AK8: variants seen among roughly 807,000 people sequenced by gnomAD.
The protein encoded by AK8 is ATP-AMP transphosphorylase 8.
In AK8, 44 loss-of-function variants were observed where a neutral mutation model predicts 54.6. The ratio of observed to expected loss-of-function variants is 0.81; its 90% confidence interval spans 0.63 to 1.04. The LOEUF is 1.04. Among genes scored for constraint, AK8 ranks in the 50% least tolerant of loss-of-function variants. The pLI is 0.00. For missense variants in AK8, 555 were observed against 613.6 expected, an observed-to-expected ratio of 0.90 and a Z score of 1.01; for synonymous variants, 239 against 245.6, an observed-to-expected ratio of 0.97 and a Z score of 0.25.
intron 11 of AK8, chr9:132,769,310 C>T (rs1194324222): frequency 6.6e-6 from 1 of 152,244 alleles, no homozygotes; most frequent in East Asian, 1.9e-4. Flanking sequence ...CGAACTGATG[C>T]TCTCTAAGGA....
chr9:132,820,686 A>G (rs1399619944), intron 9 of AK8, among the ~76,000 whole-genome samples: 3 of 152,112 alleles, frequency 2.0e-5, no homozygotes, highest in Admixed American at 2.0e-4. Flanking sequence ...CATCATCCTA[A>G]GTGAGGTCTT....
chr9:132,867,111 T>C (rs751212888), intron 2 of AK8, among the ~76,000 whole-genome samples, 158 bp from the exon 3 acceptor site: 48 of 152,266 alleles, frequency 3.2e-4, no homozygotes, highest in Non-Finnish European at 4.6e-4. Flanking sequence ...ACTCTTGCCA[T>C]GGAACGCATT....
chr9:132,770,271 CG>C lies in AK8; in HGVS notation c.1121+22362del. The stretch of plus-strand genomic sequence containing the variant: ...GAAACAAACAGCAGCCCCGCCAGCC[CG>C]GGCCCGGAGGCCCAGCCCCGCGCCA... On this transcript the variant is annotated intron_variant, in intron 11 of 12. Transcript: ENST00000298545. The surrounding 1 kb of genome is among the most constrained non-coding windows in gnomAD (Gnocchi z 4.3). 1 of 152,522 alleles carries C rather than the reference CG, an allele frequency of 6.6e-6. No individual in the cohort carries two copies. Among genetic ancestry groups the C allele is most frequent in the African/African-American group, 2.4e-5 (1 of 41,586 alleles). The allele number at this position is 152,522 out of a possible 1,614,324, so 9.4% of individuals were successfully genotyped here.
intron 10 of AK8, among the ~76,000 whole-genome samples, chr9:132,802,291 C>T (rs1200818413): frequency 6.6e-6 from 1 of 152,208 alleles, no homozygotes; most frequent in East Asian, 1.9e-4. Flanking sequence ...GATGGCCACG[C>T]CTTCTTTGCT....
chr9:132,805,553 G>A (rs215162), intron 10 of AK8, among the ~76,000 whole-genome samples: 42,876 of 152,016 alleles, frequency 0.28, 6,201 homozygotes, highest in East Asian at 0.49. Context: ...TTTTGGTGAC[G>A]GGGCTGCCTC....
At chr9:132,735,867 T>C (rs932588250) in intron 11 of AK8, among the ~76,000 whole-genome samples, 3 of 152,248 alleles carry the variant, frequency 2.0e-5, no homozygotes, top group Non-Finnish European at 4.4e-5. Context: ...CAGTCATGCG[T>C]TGCTTAATAA....
chr9:132,763,009 G>T (rs1838557771), intron 11 of AK8, among the ~76,000 whole-genome samples: 2 of 152,224 alleles, frequency 1.3e-5, no homozygotes, highest in African/African-American at 4.8e-5. Context: ...GATTCCAGCA[G>T]CTCCCACCAC....
chr9:132,768,711 A>C (rs938390413), intron 11 of AK8, among the ~76,000 whole-genome samples: 5 of 152,232 alleles, frequency 3.3e-5, no homozygotes, highest in Non-Finnish European at 7.3e-5. Flanking sequence ...ATTGTAATAG[A>C]AAAAACAGGA....
At chr9:132,767,579 A>C (rs1251216548) in intron 11 of AK8, among the ~76,000 whole-genome samples, 1 of 152,218 alleles carries the variant, frequency 6.6e-6, no homozygotes, top group Non-Finnish European at 1.5e-5. Flanking sequence ...TAGATCTGTC[A>C]TGTGATCCCA....
intron 11 of AK8, among the ~76,000 whole-genome samples, chr9:132,736,311 C>T (rs1248466486): frequency 6.6e-6 from 1 of 151,632 alleles, no homozygotes; most frequent in Admixed American, 6.6e-5. Flanking sequence ...CTCAGCCTCC[C>T]GAGTAGCTGG....
chr9:132,765,614 G>A (rs1467241178), intron 11 of AK8, among the ~76,000 whole-genome samples: 4 of 152,086 alleles, frequency 2.6e-5, no homozygotes, highest in Non-Finnish European at 2.9e-5. Context: ...ATGAGACCCT[G>A]TCTCTAAAAT....
At chr9:132,807,950 C>T (rs116610438) in intron 10 of AK8, among the ~76,000 whole-genome samples, 2,682 of 151,734 alleles carry the variant, frequency 0.018, 84 homozygotes, top group African/African-American at 0.062. Flanking sequence ...TGAGCCACCG[C>T]TGATTTAAGC....
chr9:132,844,519 G>T (rs754571810), intron 5 of AK8, among the ~76,000 whole-genome samples: 4 of 152,088 alleles, frequency 2.6e-5, no homozygotes, highest in Admixed American at 6.6e-5. Context: ...AAGCAAGAAA[G>T]CCTGTTTATT....
At chr9:132,744,563 C>T (rs1456013402) in intron 11 of AK8, among the ~76,000 whole-genome samples, 1 of 152,068 alleles carries the variant, frequency 6.6e-6, no homozygotes, top group Non-Finnish European at 1.5e-5. Context: ...AAAAACATAC[C>T]CTTTAGCCCT....
chr9:132,824,868 A>G (rs1218584302), intron 8 of AK8, among the ~76,000 whole-genome samples: 1 of 152,208 alleles, frequency 6.6e-6, no homozygotes, highest in Non-Finnish European at 1.5e-5. Context: ...TTGCTACGAC[A>G]AATACTCTAT....
chr9:132,809,903 T>C (rs1254467510), intron 10 of AK8, among the ~76,000 whole-genome samples: 1 of 152,206 alleles, frequency 6.6e-6, no homozygotes. Flanking sequence ...TAGGCAGAGT[T>C]TCCCTGTTCA....
intron 5 of AK8, among the ~76,000 whole-genome samples, chr9:132,844,173 A>C (rs1159319732): frequency 1.3e-5 from 2 of 152,008 alleles, no homozygotes; most frequent in African/African-American, 4.8e-5. Flanking sequence ...ACAATGGCTA[A>C]TGGGTATCCA....
At chr9:132,768,741 A>C (rs1345765422) in intron 11 of AK8, among the ~76,000 whole-genome samples, 1 of 152,232 alleles carries the variant, frequency 6.6e-6, no homozygotes, top group Non-Finnish European at 1.5e-5. Flanking sequence ...CTGCTAACAG[A>C]GGGTATTTAA....
intron 11 of AK8, among the ~76,000 whole-genome samples, chr9:132,760,915 A>T (rs1195147555): frequency 2.0e-5 from 3 of 152,210 alleles, no homozygotes; most frequent in Admixed American, 1.3e-4. Flanking sequence ...ATACCCTAAT[A>T]CACAATTGGA....
Sources: allele counts gnomAD v4.1 joint callset (sites outside exome capture counted in the v4.1 genomes callset), GRCh38; gene constraint gnomAD v4.1.1; non-coding constraint Gnocchi (gnomAD v3.1); transcripts MANE v1.5; gene names NCBI Gene and HGNC (gene_info 2026-07-23, HGNC 2026-07-21).